MAGI2: variants seen among roughly 807,000 people sequenced by gnomAD.
MAGI2 encodes the protein membrane associated guanylate kinase, WW and PDZ domain containing 2, also known as membrane-associated guanylate kinase, WW and PDZ domain-containing protein 2.
Under a neutral mutation model 133.3 loss-of-function variants are expected in MAGI2, and 35 were observed. The observed-to-expected ratio is 0.26, with a 90% CI of 0.20 to 0.35. The LOEUF is 0.35. Among genes scored for constraint, MAGI2 ranks in the 10% least tolerant of loss-of-function variants. MAGI2 has a pLI of 1.00. For missense variants in MAGI2, 1,636 were observed against 1,863.4 expected, an observed-to-expected ratio of 0.88 and a Z score of 2.25; for synonymous variants, 729 against 710.6, an observed-to-expected ratio of 1.03 and a Z score of -0.41.
intron 1 of MAGI2, among the ~76,000 whole-genome samples, chr7:79,416,968 G>A (rs1264068958): frequency 2.0e-5 from 3 of 151,868 alleles, no homozygotes; most frequent in African/African-American, 7.3e-5. Flanking sequence ...TCCGGATCTT[G>A]TGATCTGCCC....
At chr7:78,901,123 C>T (rs1028937017) in intron 2 of MAGI2, among the ~76,000 whole-genome samples, 1 of 152,090 alleles carries the variant, frequency 6.6e-6, no homozygotes, top group African/African-American at 2.4e-5. Context: ...TTTGTGTTTT[C>T]ATGAAATGTG....
intron 1 of MAGI2, among the ~76,000 whole-genome samples, chr7:79,134,649 A>G (rs1821215374): frequency 6.6e-6 from 1 of 152,220 alleles, no homozygotes; most frequent in South Asian, 2.1e-4. Context: ...ATGGCAACCA[A>G]ATTGAAAATA....
At chr7:79,229,901 A>G (rs1831208608) in intron 1 of MAGI2, among the ~76,000 whole-genome samples, 3 of 148,788 alleles carry the variant, frequency 2.0e-5, no homozygotes, top group Admixed American at 2.0e-4. Context: ...CCACTAAATC[A>G]TCATCTAGCA....
chr7:78,256,450 A>C lies in MAGI2; in HGVS notation c.1540T>G (p.Phe514Val). 6.2e-7 allele frequency: 1 copy of C among 1,613,944 alleles called. No homozygotes were observed. Among genetic ancestry groups the C allele is most frequent in the Non-Finnish European group, 8.5e-7 (1 of 1,179,950 alleles). Reference sequence around the variant, plus strand: ...CTGTTAGCAGGGTCTTCAGGATCAAAGGGCAAAGGGTAGCCACGACACAAC... The same window carrying C: ...CTGTTAGCAGGGTCTTCAGGATCAACGGGCAAAGGGTAGCCACGACACAAC... ...LVLCRGYPLPFDPEDPANSMV... is the reference protein window; with the variant it reads ...LVLCRGYPLPVDPEDPANSMV... The change falls in exon 10 of 22, where the codon TTT (phenylalanine) becomes GTT (valine). Residue 514 changes from phenylalanine (F) to valine (V), a missense_variant. Phe to Val is a conservative substitution (Grantham distance 50). Coordinates refer to ENST00000354212, the MANE Select transcript of MAGI2 (RefSeq NM_012301.4).
intron 9 of MAGI2, among the ~76,000 whole-genome samples, chr7:78,263,308 G>A (rs999343988): frequency 2.0e-5 from 3 of 152,086 alleles, no homozygotes; most frequent in Admixed American, 1.3e-4. Context: ...TTGGCAGAAC[G>A]ATTTATTTTC....
intron 6 of MAGI2, among the ~76,000 whole-genome samples, chr7:78,374,619 G>C (rs971439421): frequency 1.3e-5 from 2 of 151,806 alleles, no homozygotes; most frequent in African/African-American, 4.8e-5. Flanking sequence ...CTTGAAGTTG[G>C]TTTGCTAGTA....
rs1031420190 is a variant in MAGI2 at position 79,453,000 on chromosome 7, G to A, written c.301+20C>T. On this transcript the variant is annotated intron_variant, in intron 1 of 21. Coordinates refer to ENST00000354212, the MANE Select transcript of MAGI2 (RefSeq NM_012301.4). ...CGGTCCCACCGCCCGGCAAAACACT[G>A]AGCAAGCCGCTGCTCTCACCTTGCT... The A allele has an allele frequency of 6.5e-7, 1 of 1,542,438 alleles. No homozygotes were observed. The highest frequency in any genetic ancestry group is 8.7e-7 in the Non-Finnish European group (1 of 1,146,168).
intron 1 of MAGI2, among the ~76,000 whole-genome samples, chr7:79,245,477 T>C (rs1832750941): frequency 6.6e-6 from 1 of 151,896 alleles, no homozygotes; most frequent in African/African-American, 2.4e-5. Context: ...TGAATGAACA[T>C]TGGCAGTAGC....
chr7:78,514,009 A>T (rs1795825718), intron 4 of MAGI2, among the ~76,000 whole-genome samples: 1 of 146,090 alleles, frequency 6.8e-6, no homozygotes, highest in Non-Finnish European at 1.5e-5. Flanking sequence ...AATTGCTTGA[A>T]CCCAGGAGGC....
intron 2 of MAGI2, among the ~76,000 whole-genome samples, chr7:78,880,020 T>C (rs1243772569): frequency 6.6e-6 from 1 of 151,958 alleles, no homozygotes; most frequent in Non-Finnish European, 1.5e-5. Context: ...TAGACAAAAA[T>C]AGTCAAAAGA....
intron 2 of MAGI2, among the ~76,000 whole-genome samples, chr7:78,949,506 A>G (rs1213842390): frequency 2.0e-5 from 3 of 152,200 alleles, no homozygotes; most frequent in Admixed American, 6.5e-5. Context: ...GGTTGCATAT[A>G]AAGAAAGCAT....
At position 78,836,750 on chromosome 7, in the gene MAGI2, C is replaced by T. The variant is rs6964541; in HGVS notation, c.418+170340G>A. ...CCTAGTGCCAAAGCACAGGTACAGA[C>T]CTGACAGTGTCCACATTACCAGTCC... On this transcript the variant is annotated intron_variant, in intron 2 of 21. Coordinates refer to ENST00000354212, the MANE Select transcript of MAGI2 (RefSeq NM_012301.4). 4.9e-3 allele frequency among the ~76,000 whole-genome samples: 743 copies of T among 152,256 alleles called. 6 individuals are homozygous for T. Among genetic ancestry groups the T allele is most frequent in the African/African-American group, 0.017 (704 of 41,570 alleles).
chr7:78,736,560 C>A (rs1821867789), intron 2 of MAGI2, among the ~76,000 whole-genome samples: 1 of 152,042 alleles, frequency 6.6e-6, no homozygotes, highest in African/African-American at 2.4e-5. Context: ...AGTGTGTAGA[C>A]CCCTGAGGGT....
intron 1 of MAGI2, among the ~76,000 whole-genome samples, chr7:79,025,631 A>G (rs578121433): frequency 1.4e-5 from 2 of 143,502 alleles, no homozygotes; most frequent in South Asian, 2.3e-4. Flanking sequence ...CGTAAAAAGA[A>G]TTAGAACGTT....
At chr7:79,348,045 TAAGTC>T in intron 1 of MAGI2, among the ~76,000 whole-genome samples, 1 of 152,008 alleles carries the variant, frequency 6.6e-6, no homozygotes, top group Middle Eastern at 3.4e-3. Flanking sequence ...TCTAAAAATG[TAAGTC>T]AAGTATATTA....
In MAGI2 at chr7:78,256,516, G is replaced by T; in HGVS notation, c.1474C>A (p.Leu492Ile). The part of the protein sequence containing the change: ...LGHTHADVVK[L>I]FQSVPIGQSV... ...TGACCAATAGGAACAGACTGGAAAAGTTTGACAACATCTGCATGAGTGTGT... is the reference window on the plus strand; with the variant it reads ...TGACCAATAGGAACAGACTGGAAAATTTTGACAACATCTGCATGAGTGTGT... Residue 492 changes from leucine to isoleucine, a missense_variant, in exon 10 of 22, where the codon CTT becomes ATT. By Grantham distance (5) the Leu-to-Ile change is conservative. Transcript: ENST00000354212. 6.2e-7 allele frequency: 1 copy of T among 1,613,856 alleles called. No homozygotes were observed. The highest frequency in any genetic ancestry group is 8.5e-7 in the Non-Finnish European group (1 of 1,179,928).
At chr7:79,354,198 G>A (rs1563145344) in intron 1 of MAGI2, 1 of 152,166 alleles carries the variant, frequency 6.6e-6, no homozygotes, top group Non-Finnish European at 1.5e-5. Context: ...CGCCTCTGGG[G>A]TGGGGCTTTG....
At chr7:79,373,487 T>C (rs540405480) in intron 1 of MAGI2, among the ~76,000 whole-genome samples, 1 of 152,112 alleles carries the variant, frequency 6.6e-6, no homozygotes, top group Non-Finnish European at 1.5e-5. Context: ...ATCTATTAAA[T>C]TTGTGTTAAA....
At chr7:78,287,229 G>A (rs539814704) in intron 9 of MAGI2, among the ~76,000 whole-genome samples, 1 of 152,298 alleles carries the variant, frequency 6.6e-6, no homozygotes, top group East Asian at 1.9e-4. Context: ...CTTAAGAAAG[G>A]AGAGTGATTT....
Sources: allele counts gnomAD v4.1 joint callset (sites outside exome capture counted in the v4.1 genomes callset), GRCh38; gene constraint gnomAD v4.1.1; transcripts MANE v1.5; gene names NCBI Gene and HGNC (gene_info 2026-07-23, HGNC 2026-07-21).